Variants in MKX observed in about 807,000 individuals in gnomAD.
The protein encoded by MKX is homeobox protein Mohawk.
MKX carries 13 observed loss-of-function variants against 36.0 expected under a neutral mutation model. The observed-to-expected ratio is 0.36, with a 90% CI of 0.24 to 0.57. MKX has a LOEUF of 0.57. MKX is among the 20% of genes least tolerant of loss of function. The pLI, the probability that MKX is intolerant of heterozygous loss-of-function variation, is 0.79. For missense variants in MKX, 458 were observed against 456.4 expected, an observed-to-expected ratio of 1.00 and a Z score of -0.03; for synonymous variants, 176 against 178.3, an observed-to-expected ratio of 0.99 and a Z score of 0.10.
intron 5 of MKX, among the ~76,000 whole-genome samples, chr10:27,708,809 T>C (rs1836802874): frequency 2.0e-5 from 3 of 151,566 alleles, no homozygotes; most frequent in South Asian, 2.1e-4. Flanking sequence ...TGGAACTCCA[T>C]GTCTGCATCT....
At chr10:27,711,463 CTTTCTTTCTT>C in intron 5 of MKX, among the ~76,000 whole-genome samples, 1 of 19,080 alleles carries the variant, frequency 5.2e-5, no homozygotes, top group African/African-American at 1.7e-4. Flanking sequence ...TTCTTTCTTT[CTTTCTTTCTT>C]TCTTTCTTTC....
At chr10:27,703,611 C>T (rs1427866707) in intron 5 of MKX, among the ~76,000 whole-genome samples, 1 of 151,960 alleles carries the variant, frequency 6.6e-6, no homozygotes, top group East Asian at 1.9e-4. Flanking sequence ...AAAAGACTTC[C>T]AAGTTGGCAG....
intron 5 of MKX, among the ~76,000 whole-genome samples, chr10:27,678,153 G>C (rs1175814802): frequency 6.6e-6 from 1 of 152,178 alleles, no homozygotes; most frequent in Non-Finnish European, 1.5e-5. Flanking sequence ...TATCTGCGAA[G>C]TCATTTTTTA....
chr10:27,683,106 T>A (rs1196685263), intron 5 of MKX, among the ~76,000 whole-genome samples: 2 of 152,108 alleles, frequency 1.3e-5, no homozygotes, highest in East Asian at 3.9e-4. Context: ...GAGGTGGAGC[T>A]CAGATGGTAA....
chr10:27,690,015 T>C (rs1418000711), intron 5 of MKX, among the ~76,000 whole-genome samples: 1 of 152,216 alleles, frequency 6.6e-6, no homozygotes, highest in East Asian at 1.9e-4. Flanking sequence ...CCTTTTTCCA[T>C]GATTACCACC....
chr10:27,673,202 ATT>A lies in MKX; in HGVS notation c.*2025_*2026del, dbSNP rs1478256456. ...ATTATAAAATCTTCCAACCTTTGGT[ATT>A]AAAAAAAATCATGTGAATAGTTGTC... On this transcript the variant is annotated 3_prime_UTR_variant, in exon 7 of 7. Transcript: ENST00000419761. 2.0e-5 allele frequency: 3 copies of A among 152,212 alleles called. No individual in the cohort carries two copies. Among genetic ancestry groups the A allele is most frequent in the African/African-American group, 7.2e-5 (3 of 41,474 alleles). The allele number at this position is 152,212 out of a possible 1,614,324, so 9.4% of individuals were successfully genotyped here. A position where few individuals can be genotyped will look rare whatever the true frequency, so the allele number is the denominator to read the frequency against.
intron 5 of MKX, among the ~76,000 whole-genome samples, chr10:27,705,963 C>T (rs573450821): frequency 1.3e-5 from 2 of 152,254 alleles, no homozygotes; most frequent in Admixed American, 1.3e-4. Flanking sequence ...GCAACCATTA[C>T]CACTATCCAT....
intron 5 of MKX, among the ~76,000 whole-genome samples, chr10:27,687,934 G>A (rs187251777): frequency 6.6e-6 from 1 of 152,336 alleles, no homozygotes; most frequent in Admixed American, 6.5e-5. Flanking sequence ...CTTAGAGGCC[G>A]TGTAGTGTAA....
chr10:27,723,756 T>C (rs1834428903), intron 5 of MKX, among the ~76,000 whole-genome samples: 1 of 152,196 alleles, frequency 6.6e-6, no homozygotes, highest in African/African-American at 2.4e-5. Flanking sequence ...GTGTAGAAAC[T>C]GGGAGGAGAG....
chr10:27,690,688 C>T (rs1836438026), intron 5 of MKX, among the ~76,000 whole-genome samples: 1 of 152,204 alleles, frequency 6.6e-6, no homozygotes, highest in African/African-American at 2.4e-5. Context: ...CTGTGGCACT[C>T]TGCTCCCTGA....
intron 5 of MKX, among the ~76,000 whole-genome samples, chr10:27,728,388 C>G (rs996854903): frequency 6.6e-5 from 10 of 152,194 alleles, no homozygotes; most frequent in Non-Finnish European, 1.5e-4. Context: ...CAGATATTGT[C>G]AGGGGGAATA....
At chr10:27,676,655 CGT>C (rs1836157691) in intron 5 of MKX, among the ~76,000 whole-genome samples, 1 of 152,118 alleles carries the variant, frequency 6.6e-6, no homozygotes, top group Admixed American at 6.5e-5. Context: ...GGATTACAGG[CGT>C]GAGCCACCGT....
At chr10:27,705,082 T>G (rs901719307) in intron 5 of MKX, among the ~76,000 whole-genome samples, 2 of 151,954 alleles carry the variant, frequency 1.3e-5, no homozygotes, top group African/African-American at 4.8e-5. Context: ...CATACAGAGG[T>G]GCTCAGACTC....
Position 27,673,601 on chromosome 10 carries a change from T to C in MKX, c.*1628A>G, listed in dbSNP as rs1232829933. 6.6e-6 allele frequency: 1 copy of C among 152,512 alleles called. No homozygotes were observed. Among genetic ancestry groups the C allele is most frequent in the Non-Finnish European group, 1.5e-5 (1 of 67,990 alleles). The allele number at this position is 152,512 out of a possible 1,614,324, so 9.4% of individuals were successfully genotyped here. On this transcript the variant is annotated 3_prime_UTR_variant, in exon 7 of 7. Transcript: ENST00000419761. ...TAACTTATATATTTTGCTTTGCGCT[T>C]ACTGTTACTGCAAACAGCAATTTAG...
At chr10:27,711,452 TTTC>T (rs1836855404) in intron 5 of MKX, among the ~76,000 whole-genome samples, 1 of 8,662 alleles carries the variant, frequency 1.2e-4, no homozygotes, top group Admixed American at 1.0e-3. Flanking sequence ...TCTTTCTTTC[TTTC>T]TTTCTTTCTT....
At chr10:27,693,517 T>A (rs1836492125) in intron 5 of MKX, among the ~76,000 whole-genome samples, 2 of 152,086 alleles carry the variant, frequency 1.3e-5, no homozygotes, top group Non-Finnish European at 2.9e-5. Flanking sequence ...AGAACAAGTA[T>A]AATACACAGA....
Position 27,675,367 on chromosome 10 carries a change from C to G in MKX, c.921G>C (p.Glu307Asp), listed in dbSNP as rs567911625. The G allele has an allele frequency of 1.9e-6, 3 of 1,614,196 alleles. No individual in the cohort carries two copies. The highest frequency in any genetic ancestry group is 2.7e-5 in the African/African-American group (2 of 75,062). ...GPSKDDTYWK[E>D]INAAMALTNL... ...TTGTTAAGGCCATAGCTGCGTTGATCTCCTTCCAATACGTGTCATCCTTGC... is the reference window on the plus strand; with the variant it reads ...TTGTTAAGGCCATAGCTGCGTTGATGTCCTTCCAATACGTGTCATCCTTGC... Residue 307 changes from glutamate to aspartate, a missense_variant, in exon 7 of 7, where the codon GAG becomes GAC. Coordinates refer to ENST00000419761, the MANE Select transcript of MKX (RefSeq NM_173576.3).
rs113495880 is a variant in MKX at position 27,713,176 on chromosome 10, G to A, written c.838+21280C>T. Among the ~76,000 whole-genome samples the A allele has an allele frequency of 3.1e-3, 471 of 152,300 alleles. 8 individuals carry two copies. The highest frequency in any genetic ancestry group is 0.01 in the African/African-American group (416 of 41,572). ...AAATATACCATATGCTTAGAAGATG[G>A]AGCCCTTGGGCATCTCTAGAAATCT... On this transcript the variant is annotated intron_variant, in intron 5 of 6. Transcript: ENST00000419761.
At chr10:27,712,160 A>T (rs1245768907) in intron 5 of MKX, among the ~76,000 whole-genome samples, 1 of 152,134 alleles carries the variant, frequency 6.6e-6, no homozygotes, top group African/African-American at 2.4e-5. Flanking sequence ...CTCTGCTCCA[A>T]AAAGGAACCT....
Sources: gnomAD v4.1 joint callset for allele counts (sites outside exome capture counted in the v4.1 genomes callset) on GRCh38, gnomAD v4.1.1 for gene constraint, MANE v1.5 for transcripts, NCBI Gene and HGNC (gene_info 2026-07-23, HGNC 2026-07-21) for gene names.